LENG8: variants seen among roughly 807,000 people sequenced by gnomAD.
The protein encoded by LENG8 is leukocyte receptor cluster (LRC) member 8.
LENG8 carries 28 observed loss-of-function variants against 102.1 expected under a neutral mutation model. That is an observed-to-expected ratio of 0.27 (90% CI 0.20 to 0.38). The LOEUF is 0.38. LENG8 is among the 10% of genes least tolerant of loss of function. The pLI, the probability that LENG8 is intolerant of heterozygous loss-of-function variation, is 1.00. For synonymous variants in LENG8, 531 were observed against 456.7 expected (o/e 1.16, Z -2.07); for missense variants, 1,022 against 1,113.9 (o/e 0.92, Z 1.17).
chr19:54,458,278 G>C lies in LENG8; in HGVS notation c.2033-36G>C, dbSNP rs367587334. The C allele has an allele frequency of 1.3e-4, 212 of 1,613,424 alleles. 2 individuals are homozygous for C. The highest frequency in any genetic ancestry group is 1.7e-4 in the Non-Finnish European group (206 of 1,179,662). ...CAGAGGCCATGGTACCCAGGGTTGAGCCCTGCTGACTTCACCCTCTTTGTC... is the reference window on the plus strand; with the variant it reads ...CAGAGGCCATGGTACCCAGGGTTGACCCCTGCTGACTTCACCCTCTTTGTC... On this transcript the variant is annotated intron_variant, in intron 14 of 15. Transcript: ENST00000326764.
intron 4 of LENG8, among the ~76,000 whole-genome samples, chr19:54,453,102 C>T (rs1033673164): frequency 1.3e-5 from 2 of 152,128 alleles, no homozygotes; most frequent in African/African-American, 4.8e-5. Flanking sequence ...GCTCAGATGC[C>T]GCCTTCAGAG....
chr19:54,455,700 G>C, intron 8 of LENG8, 133 bp downstream of exon 8: 1 of 935,240 alleles, frequency 1.1e-6, no homozygotes, highest in Non-Finnish European at 1.6e-6. Flanking sequence ...TTGGATCCTG[G>C]GGGGATGAAG....
chr19:54,460,670 C>T, intron 15 of LENG8, 96 bp from the exon 16 acceptor site: 2 of 1,452,868 alleles, frequency 1.4e-6, no homozygotes, highest in South Asian at 1.5e-5. Context: ...TGAGGAAATC[C>T]TGTGGGCACC....
chr19:54,457,143 T>C (rs1396545433), intron 11 of LENG8, among the ~76,000 whole-genome samples: 3 of 152,264 alleles, frequency 2.0e-5, no homozygotes, highest in Non-Finnish European at 4.4e-5. Context: ...GGCGAATCGC[T>C]TGACCTCTGG....
chr19:54,459,399 G>A (rs2084416914), intron 15 of LENG8: 1 of 991,516 alleles, frequency 1.0e-6, no homozygotes, highest in Non-Finnish European at 1.2e-6. Context: ...GGCCTTGAGA[G>A]CCTGGCCAGG....
Position 54,458,904 on chromosome 19 carries a change from T to TA in LENG8, c.2240+384dup, listed in dbSNP as rs578114575. On this transcript the variant is annotated intron_variant, in intron 15 of 15. Transcript: ENST00000326764. ...TCAGCTTGTCGCTGTGCTCCCACCA[T>TA]AGAGACCATCTAGACAGCCTCTGGT... 3.9e-6 allele frequency: 6 copies of TA among 1,542,090 alleles called. No individual in the cohort carries two copies. In the African/African-American group the frequency reaches 8.2e-5, roughly 21 times the overall value.
At chr19:54,459,630 C>CA (rs2084430704) in intron 15 of LENG8, 1 of 996,100 alleles carries the variant, frequency 1.0e-6, no homozygotes, top group African/African-American at 1.7e-5. Flanking sequence ...AGAGCCTGGC[C>CA]AGGTGGCCCT....
intron 9 of LENG8, 25 bp downstream of exon 9, chr19:54,456,270 G>A: frequency 6.2e-7 from 1 of 1,614,014 alleles, no homozygotes; most frequent in South Asian, 1.1e-5. Flanking sequence ...GGCTGGGGCT[G>A]TGTGTGAGGG....
chr19:54,460,699 C>A, intron 15 of LENG8, 67 bp from the exon 16 acceptor site: 1 of 1,448,124 alleles, frequency 6.9e-7, no homozygotes, highest in Non-Finnish European at 9.1e-7. Context: ...GGGGCCTCCC[C>A]GCTCGTGGGG....
At position 54,454,590 on chromosome 19, in the gene LENG8, CG is replaced by C. The variant is rs1483911447; in HGVS notation, c.591del (p.Ala199ProfsTer27). ...GCTCCAGCCACACAGCACAGCCAGGCGGGGCCCGCCACGGGCCAGGCCTATG... is the reference window on the plus strand; with the variant it reads ...GCTCCAGCCACACAGCACAGCCAGGCGGGCCCGCCACGGGCCAGGCCTATG... ...GTAPATQHSQAGPATGQAYGP... is the reference protein window; with the variant it reads ...GTAPATQHSQXGPATGQAYGP... On this transcript the variant is annotated frameshift_variant, in exon 6 of 16. Transcript: ENST00000326764. LOFTEE classifies it high-confidence loss of function. 1 of 1,598,546 alleles carries C rather than the reference CG, an allele frequency of 6.3e-7. No individual in the cohort carries two copies. Among genetic ancestry groups the C allele is most frequent in the Non-Finnish European group, 8.5e-7 (1 of 1,175,110 alleles).
rs2084273573 is a variant in LENG8, at chr19:54,456,797, T to G, written c.1607T>G (p.Leu536Arg). The G allele has an allele frequency of 6.2e-7, 1 of 1,611,386 alleles. No homozygotes were observed. Among genetic ancestry groups the G allele is most frequent in the Non-Finnish European group, 8.5e-7 (1 of 1,179,572 alleles). The change falls in exon 11 of 16, where the codon CTG becomes CGG. Residue 536 changes from leucine (L) to arginine (R), a missense_variant. Transcript: ENST00000326764. ...LEPLVLQMSS[L>R]ESSGADPDWQ... The stretch of plus-strand genomic sequence containing the variant: ...CCCCTGGTGCTGCAGATGAGCAGCC[T>G]GGAGAGCAGTGGGGCTGACCCTGAC...
rs747494864 is a variant in LENG8 at position 54,456,451 on chromosome 19, G to T, written c.1431G>T (p.Ala477=). The T allele has an allele frequency of 6.2e-7, 1 of 1,605,846 alleles. No homozygotes were observed. The part of the protein sequence containing the change: ...GAHMDRGRGR[A]QRGKRHDLAP... ...ATATGGATCGGGGCCGAGGCAGGGC[G>T]CAGCGTGGGAAGAGGTGAGACTGTG... The change falls in exon 10 of 16, where the codon GCG becomes GCT. Residue 477 remains alanine (A), a synonymous_variant. Coordinates refer to ENST00000326764, the MANE Select transcript of LENG8 (RefSeq NM_052925.4).
chr19:54,460,693 C>T (rs975480141), intron 15 of LENG8, 73 bp from the exon 16 acceptor site: 76 of 1,447,194 alleles, frequency 5.3e-5, no homozygotes, highest in Non-Finnish European at 6.5e-5. Context: ...AATGGGGGGG[C>T]CTCCCCGCTC....
In LENG8 at chr19:54,461,440, G is replaced by C. The variant is rs2084550114; in HGVS notation, c.*512G>C. 1 of 460,246 alleles carries C rather than the reference G, an allele frequency of 2.2e-6. No individual in the cohort carries two copies. The highest frequency in any genetic ancestry group is 4.4e-6 in the Non-Finnish European group (1 of 227,130). 28.5% of individuals were successfully genotyped at this position (460,246 alleles called of 1,614,324 possible). A position where few individuals can be genotyped will look rare whatever the true frequency, so the allele number is the denominator to read the frequency against. On this transcript the variant is annotated 3_prime_UTR_variant, in exon 16 of 16. Transcript: ENST00000326764. ...CCCTTGGGGCCTCCGTGTTTGGGGT[G>C]GGGGAGCTGCTTAGAGACTGTGCCC... is the stretch of plus-strand genomic sequence containing the variant.
At chr19:54,454,240 G>A (rs1252824250) in intron 5 of LENG8, among the ~76,000 whole-genome samples, 190 bp from the exon 6 acceptor site, 1 of 152,190 alleles carries the variant, frequency 6.6e-6, no homozygotes. Context: ...CTTGTCAGCT[G>A]TGAAAAGGGC....
rs1190689656 is a variant in LENG8, at chr19:54,462,004, GAGAA to G, written c.*1080_*1083del. ...GCTTGAGAGAAACCAAAATTAAAGA[GAGAA>G]AGAGAGAGCGTGCACGCTCCTGCTT... On this transcript the variant is annotated 3_prime_UTR_variant, in exon 16 of 16. Transcript: ENST00000326764. 6.5e-5 allele frequency: 93 copies of G among 1,432,490 alleles called. No individual in the cohort carries two copies. The Middle Eastern group carries it at 9.0e-4, about 14-fold the overall frequency. 88.7% of individuals were successfully genotyped at this position (1,432,490 alleles called of 1,614,324 possible).
rs777688297 is a variant in LENG8, at chr19:54,455,071, C to A, written c.800C>A (p.Pro267His). ...AGTGGTTTTGGCCCCCAGCCCAACC[C>A]TGAGAAAGTTCAGAACCACAGGTGA... ...QHSGFGPQPN[P>H]EKVQNHSGSS... is the part of the protein sequence containing the mutation. Residue 267 changes from proline to histidine, a missense_variant, in exon 7 of 16, where the codon CCT becomes CAT. By Grantham distance (77) the Pro-to-His change is moderately conservative. This residue lies in a region of LENG8 where 343 missense variants were observed against 320.2 expected (regional missense o/e 1.07). Coordinates refer to ENST00000326764, the MANE Select transcript of LENG8 (RefSeq NM_052925.4). 1 of 1,614,242 alleles carries A rather than the reference C, an allele frequency of 6.2e-7. No homozygotes were observed. Among genetic ancestry groups the A allele is most frequent in the East Asian group, 2.2e-5 (1 of 44,892 alleles).
chr19:54,461,472 G>A lies in LENG8; in HGVS notation c.*544G>A, dbSNP rs752165336. The stretch of plus-strand genomic sequence containing the variant: ...CTGCTTAGAGACTGTGCCCGTCCTC[G>A]GCCCCCCACCCTGAAGTGCCAGCAC... On this transcript the variant is annotated 3_prime_UTR_variant, in exon 16 of 16. Transcript: ENST00000326764. 8.4e-5 allele frequency: 39 copies of A among 462,570 alleles called. No individual in the cohort carries two copies. The highest frequency in any genetic ancestry group is 4.6e-4 in the African/African-American group (23 of 50,184). 28.7% of individuals were successfully genotyped at this position (462,570 alleles called of 1,614,324 possible). A position where few individuals can be genotyped will look rare whatever the true frequency, so the allele number is the denominator to read the frequency against.
Position 54,453,649 on chromosome 19 carries a change from T to G in LENG8, c.419T>G (p.Leu140Arg), listed in dbSNP as rs551631367. ...TCCGCACCCCAACACCAAGGGACTC[T>G]GAACCAGGTAACATCCTAGCCCAGC... is the stretch of plus-strand genomic sequence containing the variant. The part of the protein sequence containing the change: ...QPSAPQHQGT[L>R]NQPPVPGMDE... The change falls in exon 5 of 16, where the codon CTG becomes CGG. Residue 140 changes from leucine to arginine, a missense_variant. Leu to Arg is a moderately radical substitution (Grantham distance 102). This residue lies in a region of LENG8 where 343 missense variants were observed against 320.2 expected (regional missense o/e 1.07). Coordinates refer to ENST00000326764, the MANE Select transcript of LENG8 (RefSeq NM_052925.4). The G allele has an allele frequency of 5.0e-6, 8 of 1,612,256 alleles. No homozygotes were observed. Among genetic ancestry groups the G allele is most frequent in the Non-Finnish European group, 6.8e-6 (8 of 1,178,804 alleles).
Sources: allele counts gnomAD v4.1 joint callset (sites outside exome capture counted in the v4.1 genomes callset), GRCh38; gene constraint gnomAD v4.1.1; regional missense constraint gnomAD v4.1.1; transcripts MANE v1.5; gene names NCBI Gene and HGNC (gene_info 2026-07-23, HGNC 2026-07-21).